Variants in CTDP1 observed in about 807,000 individuals in gnomAD.
CTDP1 encodes CTD phosphatase 1.
A neutral mutation model predicts 91.8 loss-of-function variants in CTDP1; 47 were observed. That is an observed-to-expected ratio of 0.51 (90% confidence interval 0.41 to 0.65). The LOEUF (loss-of-function observed/expected upper bound fraction) is 0.65. Ranked by LOEUF, CTDP1 falls within the 30% of genes least tolerant of loss-of-function variation. CTDP1 has a pLI of 0.00. For synonymous variants in CTDP1, 656 were observed against 598.5 expected, an observed-to-expected ratio of 1.10 and a Z score of -1.40; for missense variants, 1,272 against 1,373.7, an observed-to-expected ratio of 0.93 and a Z score of 1.17.
At chr18:79,707,220 G>A (rs2085984649) in intron 5 of CTDP1, among the ~76,000 whole-genome samples, 1 of 152,234 alleles carries the variant, frequency 6.6e-6, no homozygotes, top group South Asian at 2.1e-4. Flanking sequence ...CGTCACACCA[G>A]CAGGCAGGGT....
At chr18:79,746,867 C>T (rs1240252616) in intron 12 of CTDP1, among the ~76,000 whole-genome samples, 6 of 152,252 alleles carry the variant, frequency 3.9e-5, no homozygotes, top group East Asian at 3.9e-4. Flanking sequence ...TGGCCTCCAG[C>T]GATCCTCCCG....
chr18:79,683,991 G>A (rs1438228010), intron 1 of CTDP1, among the ~76,000 whole-genome samples: 1 of 152,216 alleles, frequency 6.6e-6, no homozygotes, highest in African/African-American at 2.4e-5. Context: ...TTATTTTTCA[G>A]GAATAACGGG....
At chr18:79,706,185 CCTG>C (rs375798757) in intron 5 of CTDP1, among the ~76,000 whole-genome samples, 2 of 152,354 alleles carry the variant, frequency 1.3e-5, no homozygotes, top group East Asian at 3.9e-4. Context: ...CGCCCACTGA[CCTG>C]CAGCCAAGTT....
intron 11 of CTDP1, 105 bp downstream of exon 11, chr18:79,729,174 A>C: frequency 1.4e-6 from 2 of 1,404,828 alleles, no homozygotes. Context: ...AGGCCGAGCT[A>C]GAGTCCTGCA....
intron 2 of CTDP1, 73 bp from the exon 3 acceptor site, chr18:79,695,904 T>A (rs2085736369): frequency 8.3e-7 from 1 of 1,205,028 alleles, no homozygotes; most frequent in East Asian, 2.3e-5. Flanking sequence ...TAGAATCCTG[T>A]CACTTAGAGC....
intron 4 of CTDP1, among the ~76,000 whole-genome samples, chr18:79,698,803 A>G (rs1371586678): frequency 1.3e-5 from 2 of 152,206 alleles, no homozygotes; most frequent in East Asian, 3.9e-4. Context: ...AGGTCCCAAT[A>G]GCAGACACCC....
At chr18:79,745,300 C>A (rs560704864) in intron 12 of CTDP1, among the ~76,000 whole-genome samples, 1 of 126,704 alleles carries the variant, frequency 7.9e-6, no homozygotes, top group East Asian at 2.5e-4. Flanking sequence ...TGCGTCCCTC[C>A]CGTGCGCGTT....
chr18:79,690,947 G>A (rs1397632419), intron 1 of CTDP1, among the ~76,000 whole-genome samples: 3 of 152,244 alleles, frequency 2.0e-5, no homozygotes, highest in African/African-American at 7.2e-5. Context: ...GTTGCTGGAA[G>A]CCTGCGGAGT....
chr18:79,713,103 C>T lies in CTDP1; in HGVS notation c.995C>T (p.Pro332Leu). ...YFQGTGDMNAPPGSRESQTRK... is the reference protein window; with the variant it reads ...YFQGTGDMNALPGSRESQTRK... ...CAGGGCACGGGTGATATGAATGCGC[C>T]CCCTGGGTCCCGAGAATCTCAGACG... is the stretch of plus-strand genomic sequence containing the variant. Residue 332 changes from proline (P) to leucine (L), a missense_variant, in exon 7 of 13, where the codon CCC becomes CTC. Physicochemically the swap from Pro to Leu is moderately conservative, Grantham distance 98 (BLOSUM62 -3). Coordinates refer to ENST00000613122, the MANE Select transcript of CTDP1 (RefSeq NM_004715.5). The surrounding 1 kb of genome is among the most constrained non-coding windows in gnomAD (Gnocchi z 4.7). The T allele has an allele frequency of 6.2e-7, 1 of 1,614,012 alleles. No homozygotes were observed. The highest frequency in any genetic ancestry group is 1.1e-5 in the South Asian group (1 of 91,064).
chr18:79,741,457 T>TA (rs2086776608), intron 12 of CTDP1, among the ~76,000 whole-genome samples: 1 of 152,236 alleles, frequency 6.6e-6, no homozygotes, highest in Admixed American at 6.5e-5. Flanking sequence ...TGGGAGCTGT[T>TA]ATGTTACTGG....
Position 79,695,431 on chromosome 18 carries a change from G to A in CTDP1, c.398+123G>A, listed in dbSNP as rs940907101. On this transcript the variant is annotated intron_variant, in intron 2 of 12. Transcript: ENST00000613122. ...TGGTTTCCCAGCGGCAGATGCAGAC[G>A]CCTCCCTTGGGCCCCATACGAGTCA... The A allele has an allele frequency of 7.8e-5, 64 of 823,228 alleles. No individual in the cohort carries two copies. The Admixed American group carries it at 9.4e-4, about 12-fold the overall frequency. 51.0% of individuals were successfully genotyped at this position (823,228 alleles called of 1,614,324 possible).
chr18:79,691,503 G>T (rs35031928), intron 1 of CTDP1, among the ~76,000 whole-genome samples: 43,857 of 100,984 alleles, frequency 0.43, 7,162 homozygotes, highest in Middle Eastern at 0.52. Context: ...GTGGACTCGG[G>T]GTGGGGAGGA....
downstream of CTDP1, chr18:79,754,711 A>C (rs543215927): frequency 2.6e-5 from 4 of 152,354 alleles, no homozygotes; most frequent in African/African-American, 9.6e-5. Context: ...TGGTATTTTA[A>C]AACGGTTAAG....
At chr18:79,737,936 T>C (rs1289692708) in intron 12 of CTDP1, among the ~76,000 whole-genome samples, 2 of 152,194 alleles carry the variant, frequency 1.3e-5, no homozygotes, top group Non-Finnish European at 2.9e-5. Flanking sequence ...CACCTCACTT[T>C]TGTTAGCTTT....
In CTDP1 at chr18:79,713,247, TTTTA is replaced by T. The variant is rs759690665; in HGVS notation, c.1030+113_1030+116del. On this transcript the variant is annotated intron_variant, in intron 7 of 12. Coordinates refer to ENST00000613122, the MANE Select transcript of CTDP1 (RefSeq NM_004715.5). This position sits in a 1 kb window ranked among gnomAD's most constrained non-coding sequence, Gnocchi z 4.7. ...CTGCTATAAATTCAAGATACACTTT[TTTTA>T]TTTGTGTTTCAGTAGAGATTATTGG... The T allele has an allele frequency of 1.0e-3, 1,188 of 1,150,812 alleles. 2 individuals carry two copies. Among genetic ancestry groups the T allele is most frequent in the Non-Finnish European group, 1.2e-3 (941 of 791,976 alleles). The allele number at this position is 1,150,812 out of a possible 1,614,324, so 71.3% of individuals were successfully genotyped here.
chr18:79,739,030 G>A (rs369368888), intron 12 of CTDP1, among the ~76,000 whole-genome samples: 2 of 152,204 alleles, frequency 1.3e-5, no homozygotes, highest in African/African-American at 2.4e-5. Flanking sequence ...TGGGGAAGGC[G>A]GTGCACTGGG....
intron 1 of CTDP1, among the ~76,000 whole-genome samples, chr18:79,689,766 G>GTCT (rs1300829474): frequency 7.2e-5 from 11 of 152,218 alleles, no homozygotes; most frequent in African/African-American, 2.7e-4. Flanking sequence ...AGGTGACGGA[G>GTCT]CGAGACTCCG....
chr18:79,718,154 T>G, intron 10 of CTDP1, 138 bp downstream of exon 10: 8 of 1,012,280 alleles, frequency 7.9e-6, no homozygotes, highest in Non-Finnish European at 1.2e-5. Context: ...GCTTCCACCT[T>G]GTGGGAGCGC....
intron 1 of CTDP1, among the ~76,000 whole-genome samples, chr18:79,688,675 C>G (rs1599195362): frequency 6.6e-6 from 1 of 152,074 alleles, no homozygotes. Flanking sequence ...GCTGGGATTA[C>G]AGGCGTGAGC....
Sources: gnomAD v4.1 joint callset for allele counts (sites outside exome capture counted in the v4.1 genomes callset) on GRCh38, gnomAD v4.1.1 for gene constraint, Gnocchi (gnomAD v3.1) non-coding constraint, MANE v1.5 for transcripts, NCBI Gene and HGNC (gene_info 2026-07-23, HGNC 2026-07-21) for gene names.